The following MARCHF5 variants were observed in gnomAD, a reference collection of about 807,000 sequenced individuals.
MARCHF5 encodes E3 ubiquitin-protein ligase MARCHF5.
MARCHF5 carries 5 observed loss-of-function variants against 36.5 expected under a neutral mutation model. The ratio of observed to expected loss-of-function variants is 0.14; its 90% CI spans 0.07 to 0.29. MARCHF5 has a LOEUF of 0.29. Among genes scored for constraint, MARCHF5 ranks in the 10% least tolerant of loss-of-function variants. The pLI is 1.00. For synonymous variants in MARCHF5, 103 were observed against 109.9 expected (o/e 0.94, Z 0.39); for missense variants, 179 against 336.3 (o/e 0.53, Z 3.66).
Position 92,352,606 on chromosome 10 carries a change from CTTACTGA to C in MARCHF5, c.*1401_*1407del, listed in dbSNP as rs1843729334. ...TGCATGTCAATAATAAATGTTTCCC[CTTACTGA>C]TAAGCGGCCACTTTAGGAGTGTAGC... On this transcript the variant is annotated 3_prime_UTR_variant, in exon 6 of 6. Transcript: ENST00000358935. The C allele has an allele frequency of 6.6e-6, 1 of 152,160 alleles. No individual in the cohort carries two copies. The highest frequency in any genetic ancestry group is 2.4e-5 in the African/African-American group (1 of 41,428). The allele number at this position is 152,160 out of a possible 1,614,324, so 9.4% of individuals were successfully genotyped here.
At chr10:92,337,914 C>G in intron 2 of MARCHF5, among the ~76,000 whole-genome samples, 1 of 151,546 alleles carries the variant, frequency 6.6e-6, no homozygotes, top group Non-Finnish European at 1.5e-5. Context: ...TGGTACATGC[C>G]TGTAATCCTA....
Position 92,349,548 on chromosome 10 carries a change from G to A in MARCHF5, c.553+16G>A, listed in dbSNP as rs910622805. 9.9e-6 allele frequency: 16 copies of A among 1,608,670 alleles called. No homozygotes were observed. The highest frequency in any genetic ancestry group is 1.3e-5 in the African/African-American group (1 of 74,856). Reference sequence around the variant, plus strand: ...ATATTTCCAGGTAAGGCACTGAACTGTGGTTGTAAAGTGCATACCAAATTG... The same window carrying A: ...ATATTTCCAGGTAAGGCACTGAACTATGGTTGTAAAGTGCATACCAAATTG... On this transcript the variant is annotated intron_variant, in intron 4 of 5. Coordinates refer to ENST00000358935, the MANE Select transcript of MARCHF5 (RefSeq NM_017824.5).
rs369225108 is a variant in MARCHF5, at chr10:92,291,475, G to T, written c.-20G>T. ...GAGCGGGTCCACTGGGGAAGGCCGTGTGCGCCGGCTCCGCGGAAGATGCCG... is the reference window on the plus strand; with the variant it reads ...GAGCGGGTCCACTGGGGAAGGCCGTTTGCGCCGGCTCCGCGGAAGATGCCG... On this transcript the variant is annotated 5_prime_UTR_variant, in exon 1 of 6. Coordinates refer to ENST00000358935, the MANE Select transcript of MARCHF5 (RefSeq NM_017824.5). The T allele has an allele frequency of 1.1e-4, 177 of 1,546,362 alleles. No individual in the cohort carries two copies. In the African/African-American group the frequency reaches 2.3e-3, roughly 20 times the overall value.
intron 2 of MARCHF5, among the ~76,000 whole-genome samples, chr10:92,314,163 G>A (rs1843179698): frequency 6.6e-6 from 1 of 152,096 alleles, no homozygotes; most frequent in South Asian, 2.1e-4. Context: ...ATTGAGCTAT[G>A]ATTGCGCCAC....
At chr10:92,307,602 G>T (rs557412623) in intron 1 of MARCHF5, among the ~76,000 whole-genome samples, 1 of 151,956 alleles carries the variant, frequency 6.6e-6, no homozygotes. Flanking sequence ...GTGGCCAGGC[G>T]CAGTGGGTCA....
chr10:92,294,370 CTA>C (rs1240629465), intron 1 of MARCHF5, among the ~76,000 whole-genome samples: 1 of 152,200 alleles, frequency 6.6e-6, no homozygotes, highest in African/African-American at 2.4e-5. Flanking sequence ...GCAAAACACT[CTA>C]TGTTAGCCAA....
intron 1 of MARCHF5, among the ~76,000 whole-genome samples, chr10:92,305,277 C>T (rs530392692): frequency 1.9e-4 from 29 of 152,076 alleles, no homozygotes; most frequent in Non-Finnish European, 1.8e-4. Context: ...CGTGGTGGCA[C>T]GTGCCTGTAG....
rs572736257 is a variant in MARCHF5 at position 92,338,027 on chromosome 10, TTAAA to T, written c.239-2641_239-2638del. On this transcript the variant is annotated intron_variant, in intron 2 of 5. Coordinates refer to ENST00000358935, the MANE Select transcript of MARCHF5 (RefSeq NM_017824.5). ...CATCTCTACAAAAAAAAAAAAAAATTTAAATAAAGAAAATTAGCCAAGCATGGTG... is the reference window on the plus strand; with the variant it reads ...CATCTCTACAAAAAAAAAAAAAAATTTAAAGAAAATTAGCCAAGCATGGTG... 3.2e-3 allele frequency among the ~76,000 whole-genome samples: 483 copies of T among 151,052 alleles called. 3 individuals are homozygous for T. The highest frequency in any genetic ancestry group is 0.011 in the African/African-American group (452 of 41,120).
At chr10:92,313,007 G>A (rs983792683) in intron 2 of MARCHF5, among the ~76,000 whole-genome samples, 27 of 150,108 alleles carry the variant, frequency 1.8e-4, no homozygotes, top group Middle Eastern at 3.6e-3. Context: ...AGGCAGAGGC[G>A]GGCAGATCAC....
chr10:92,291,886 A>G (rs887822047), intron 1 of MARCHF5, among the ~76,000 whole-genome samples: 2 of 152,096 alleles, frequency 1.3e-5, no homozygotes, highest in Non-Finnish European at 2.9e-5. Flanking sequence ...GTCACTGGCA[A>G]GAACCGGGTT....
intron 3 of MARCHF5, among the ~76,000 whole-genome samples, chr10:92,343,175 TAGTTTTTCA>T (rs1843599087): frequency 6.6e-6 from 1 of 152,198 alleles, no homozygotes; most frequent in South Asian, 2.1e-4. Context: ...TTATGTTGTG[TAGTTTTTCA>T]CCTCTGTCCT....
intron 2 of MARCHF5, among the ~76,000 whole-genome samples, chr10:92,317,178 C>T (rs1445272294): frequency 1.3e-5 from 2 of 152,318 alleles, no homozygotes; most frequent in East Asian, 1.9e-4. Flanking sequence ...GAAGTTGGCT[C>T]ACTGCAACCT....
intron 2 of MARCHF5, among the ~76,000 whole-genome samples, chr10:92,320,891 A>G (rs748906644): frequency 6.6e-6 from 1 of 152,118 alleles, no homozygotes; most frequent in African/African-American, 2.4e-5. Context: ...CTCATCACCC[A>G]TTCACTGAAT....
At chr10:92,350,043 T>A (rs950695775) in intron 5 of MARCHF5, 1 of 524,542 alleles carries the variant, frequency 1.9e-6, no homozygotes, top group Non-Finnish European at 3.3e-6. Context: ...GGAACTATGT[T>A]GTAGGTGCTT....
At chr10:92,333,912 G>A (rs1190769394) in intron 2 of MARCHF5, among the ~76,000 whole-genome samples, 2 of 152,102 alleles carry the variant, frequency 1.3e-5, no homozygotes, top group East Asian at 3.8e-4. Flanking sequence ...TTTGAGGGCC[G>A]GGTGCAGTGC....
chr10:92,320,504 CCTT>C (rs546521057), intron 2 of MARCHF5, among the ~76,000 whole-genome samples: 59 of 152,132 alleles, frequency 3.9e-4, no homozygotes, highest in African/African-American at 1.4e-3. Flanking sequence ...CCCCTGAAGA[CCTT>C]CTAGTGGGAC....
At chr10:92,322,825 C>T (rs1291453712) in intron 2 of MARCHF5, among the ~76,000 whole-genome samples, 1 of 151,326 alleles carries the variant, frequency 6.6e-6, no homozygotes, top group Non-Finnish European at 1.5e-5. Context: ...GCAACCTCCG[C>T]CTCCTGGGTT....
At chr10:92,331,887 A>G (rs1564950971) in intron 2 of MARCHF5, among the ~76,000 whole-genome samples, 1 of 36,260 alleles carries the variant, frequency 2.8e-5, no homozygotes, top group Non-Finnish European at 7.3e-5. Context: ...AATCATATAT[A>G]TGTATATATA....
chr10:92,340,884 A>G, intron 3 of MARCHF5, 81 bp downstream of exon 3: 1 of 1,162,086 alleles, frequency 8.6e-7, no homozygotes, highest in Non-Finnish European at 1.2e-6. Flanking sequence ...TTAAAAGTGT[A>G]TTATTTTGAA....
Sources: gnomAD v4.1 joint callset for allele counts (sites outside exome capture counted in the v4.1 genomes callset) on GRCh38, gnomAD v4.1.1 for gene constraint, MANE v1.5 for transcripts, NCBI Gene and HGNC (gene_info 2026-07-23, HGNC 2026-07-21) for gene names.